Variants in CDH13 observed in about 807,000 individuals in gnomAD.
The protein encoded by CDH13 is cadherin-13.
A neutral mutation model predicts 63.8 loss-of-function variants in CDH13; 24 were observed. That is an observed-to-expected ratio of 0.38 (90% CI 0.27 to 0.53). The LOEUF is 0.53. Ranked by LOEUF, CDH13 falls within the 20% of genes least tolerant of loss-of-function variation. CDH13 has a pLI of 0.85. For synonymous variants in CDH13, 503 were observed against 355.3 expected, an observed-to-expected ratio of 1.42 and a Z score of -4.67; for missense variants, 1,049 against 903.1, an observed-to-expected ratio of 1.16 and a Z score of -2.07.
intron 10 of CDH13, among the ~76,000 whole-genome samples, chr16:83,679,863 G>C (rs547998088): frequency 3.9e-5 from 6 of 152,308 alleles, no homozygotes; most frequent in Admixed American, 2.0e-4. Context: ...TTTGGACCCT[G>C]TGTCTCTGCC....
chr16:83,737,083 C>T (rs76286992), intron 10 of CDH13, among the ~76,000 whole-genome samples: 1 of 152,298 alleles, frequency 6.6e-6, no homozygotes. Flanking sequence ...GGTTCTTAGG[C>T]GTTTGTCTGC....
At chr16:83,477,344 G>A (rs1465262859) in intron 6 of CDH13, among the ~76,000 whole-genome samples, 1 of 152,196 alleles carries the variant, frequency 6.6e-6, no homozygotes, top group Non-Finnish European at 1.5e-5. Flanking sequence ...GAGGAGAAGC[G>A]AAGCCTGTTG....
intron 6 of CDH13, among the ~76,000 whole-genome samples, chr16:83,465,058 C>T (rs902535172): frequency 6.6e-6 from 1 of 152,170 alleles, no homozygotes; most frequent in African/African-American, 2.4e-5. Context: ...TTTCCACAAG[C>T]ATTTGGGTGG....
chr16:82,906,433 A>G (rs1193148002), intron 2 of CDH13, among the ~76,000 whole-genome samples: 1 of 152,168 alleles, frequency 6.6e-6, no homozygotes, highest in African/African-American at 2.4e-5. Context: ...TCATGAACCC[A>G]CTTGTACTGT....
At chr16:83,095,679 G>A (rs62035110) in intron 3 of CDH13, among the ~76,000 whole-genome samples, 14,732 of 152,092 alleles carry the variant, frequency 0.097, 706 homozygotes, top group Middle Eastern at 0.12. Context: ...TGAAGTGACC[G>A]GTACAACCTA....
In CDH13 at chr16:83,310,006, C is replaced by T. The variant is rs975410917; in HGVS notation, c.637-34856C>T. 3.9e-4 allele frequency among the ~76,000 whole-genome samples: 60 copies of T among 152,170 alleles called. 1 individual carries two copies. Among genetic ancestry groups the T allele is most frequent in the Admixed American group, 3.5e-3 (53 of 15,266 alleles). On this transcript the variant is annotated intron_variant, in intron 5 of 13. Transcript: ENST00000567109. ...CAGATGAGTGGGTACAAAAGTTCCG[C>T]ACAATATCAATGGTTGAAAGAATAT...
At chr16:83,651,911 T>A (rs1223401679) in intron 8 of CDH13, among the ~76,000 whole-genome samples, 1 of 152,206 alleles carries the variant, frequency 6.6e-6, no homozygotes, top group East Asian at 1.9e-4. Context: ...TCTTTTTTAA[T>A]GTGACAGAGT....
chr16:82,992,978 T>A (rs929857899), intron 2 of CDH13, among the ~76,000 whole-genome samples: 2 of 152,228 alleles, frequency 1.3e-5, no homozygotes, highest in African/African-American at 2.4e-5. Context: ...CAGGATACTC[T>A]AAGTCTCGTG....
intron 1 of CDH13, among the ~76,000 whole-genome samples, chr16:82,765,709 A>C (rs1268556180): frequency 6.6e-6 from 1 of 152,192 alleles, no homozygotes; most frequent in Non-Finnish European, 1.5e-5. Flanking sequence ...GGTGTTAAAC[A>C]TACCTCTGAA....
At chr16:83,052,368 C>T (rs1341853705) in intron 3 of CDH13, among the ~76,000 whole-genome samples, 1 of 152,228 alleles carries the variant, frequency 6.6e-6, no homozygotes, top group African/African-American at 2.4e-5. Context: ...ATATTTTCAT[C>T]TGTCCCTGAA....
At chr16:83,664,542 T>G (rs1027919205) in intron 8 of CDH13, among the ~76,000 whole-genome samples, 8 of 142,148 alleles carry the variant, frequency 5.6e-5, no homozygotes, top group African/African-American at 2.6e-5. Flanking sequence ...ATATTTCATA[T>G]TATATATGTG....
intron 2 of CDH13, among the ~76,000 whole-genome samples, chr16:83,011,869 G>T (rs1914195609): frequency 6.6e-6 from 1 of 152,180 alleles, no homozygotes; most frequent in South Asian, 2.1e-4. Flanking sequence ...TTTCTTAGAG[G>T]GGAGTTGGGG....
chr16:83,060,401 C>T lies in CDH13; in HGVS notation c.366+28183C>T, dbSNP rs114370779. ...CTTTACTTGGATTATAAATTGCAGG[C>T]CTTCTTTGAAAAGACAAAGTGTGAA... On this transcript the variant is annotated intron_variant, in intron 3 of 13. Coordinates refer to ENST00000567109, the MANE Select transcript of CDH13 (RefSeq NM_001257.5). Among the ~76,000 whole-genome samples, 759 of 152,202 alleles carry T rather than the reference C, an allele frequency of 5.0e-3. 5 individuals carry two copies. The highest frequency in any genetic ancestry group is 0.018 in the African/African-American group (730 of 41,546).
chr16:82,724,213 A>T (rs1272467770), intron 1 of CDH13, among the ~76,000 whole-genome samples: 2 of 152,148 alleles, frequency 1.3e-5, no homozygotes, highest in Non-Finnish European at 1.5e-5. Context: ...CCTTCTAATT[A>T]GTTAGAATTT....
chr16:83,253,969 C>T (rs1905902602), intron 5 of CDH13, among the ~76,000 whole-genome samples: 1 of 152,124 alleles, frequency 6.6e-6, no homozygotes, highest in Non-Finnish European at 1.5e-5. Flanking sequence ...ACCGTCTGCC[C>T]AGAGTCAATC....
At chr16:82,780,532 T>A (rs984419570) in intron 1 of CDH13, among the ~76,000 whole-genome samples, 23 of 151,656 alleles carry the variant, frequency 1.5e-4, no homozygotes, top group African/African-American at 5.3e-4. Flanking sequence ...CAGGTGATGC[T>A]GACATTTTGT....
At chr16:83,295,136 A>G (rs1183824328) in intron 5 of CDH13, among the ~76,000 whole-genome samples, 1 of 152,154 alleles carries the variant, frequency 6.6e-6, no homozygotes, top group Non-Finnish European at 1.5e-5. Flanking sequence ...GGGGGAAAAA[A>G]ACTCTTCAAT....
chr16:83,688,049 CAT>C (rs1904486682), intron 10 of CDH13, among the ~76,000 whole-genome samples: 1 of 152,186 alleles, frequency 6.6e-6, no homozygotes, highest in East Asian at 1.9e-4. Flanking sequence ...AAGAATACAA[CAT>C]AGAATAATGA....
At chr16:82,716,047 C>T (rs1217934712) in intron 1 of CDH13, among the ~76,000 whole-genome samples, 1 of 152,146 alleles carries the variant, frequency 6.6e-6, no homozygotes, top group Admixed American at 6.5e-5. Flanking sequence ...TGCCTAAAGT[C>T]GGATAAGGAA....
Sources: allele counts gnomAD v4.1 joint callset (sites outside exome capture counted in the v4.1 genomes callset), GRCh38; gene constraint gnomAD v4.1.1; transcripts MANE v1.5; gene names NCBI Gene and HGNC (gene_info 2026-07-23, HGNC 2026-07-21).